Variants in OTUD3 observed in about 807,000 individuals in gnomAD.
The protein encoded by OTUD3 is OTU deubiquitinase 3, also known as OTU domain-containing protein 3.
A neutral mutation model predicts 46.2 loss-of-function variants in OTUD3; 24 were observed. That is an observed-to-expected ratio of 0.52 (90% CI 0.38 to 0.73). The LOEUF is 0.73. OTUD3 is among the 30% of genes least tolerant of loss of function. The pLI, the probability that OTUD3 is intolerant of heterozygous loss-of-function variation, is 0.00. For missense variants in OTUD3, 455 were observed against 523.3 expected, an observed-to-expected ratio of 0.87 and a Z score of 1.27; for synonymous variants, 189 against 195.4, an observed-to-expected ratio of 0.97 and a Z score of 0.27.
At chr1:19,891,430 G>A (rs567199856) in intron 2 of OTUD3, among the ~76,000 whole-genome samples, 1 of 152,184 alleles carries the variant, frequency 6.6e-6, no homozygotes, top group Non-Finnish European at 1.5e-5. Flanking sequence ...AAGTCTGGAG[G>A]CCATGCCAAG....
chr1:19,906,365 T>C, intron 6 of OTUD3, 67 bp from the exon 7 acceptor site: 3 of 1,445,756 alleles, frequency 2.1e-6, no homozygotes, highest in Non-Finnish European at 2.8e-6. Context: ...TTTGGAATCA[T>C]TAATACAGTC....
chr1:19,891,303 T>C (rs2045442681), intron 2 of OTUD3, among the ~76,000 whole-genome samples: 2 of 152,252 alleles, frequency 1.3e-5, no homozygotes, highest in African/African-American at 4.8e-5. Flanking sequence ...AAATATTTAC[T>C]GAGGATCTAC....
rs983363983 is a variant in OTUD3 at position 19,912,572 on chromosome 1, C to A, written c.*4826C>A. 1 of 152,540 alleles carries A rather than the reference C, an allele frequency of 6.6e-6. No individual in the cohort carries two copies. Among genetic ancestry groups the A allele is most frequent in the Non-Finnish European group, 1.5e-5 (1 of 68,100 alleles). The allele number at this position is 152,540 out of a possible 1,614,324, so 9.4% of individuals were successfully genotyped here. A position where few individuals can be genotyped will look rare whatever the true frequency, so the allele number is the denominator to read the frequency against. ...TGTATCCGTGGAGGAGGGGCCTTCT[C>A]TCTTTCTAATTGCACTATACTTGTT... On this transcript the variant is annotated 3_prime_UTR_variant, in exon 8 of 8. Transcript: ENST00000375120.
At position 19,908,007 on chromosome 1, in the gene OTUD3, ATAGT is replaced by A. The variant is rs1323879974; in HGVS notation, c.*265_*268del. On this transcript the variant is annotated 3_prime_UTR_variant, in exon 8 of 8. Coordinates refer to ENST00000375120, the MANE Select transcript of OTUD3 (RefSeq NM_015207.2). ...TTAAAATACTGAGTTTTAGGGGCAG[ATAGT>A]TAGGTCAGGAAAAACCTTTTAAGTG... The A allele has an allele frequency of 9.1e-6, 3 of 329,516 alleles. No individual in the cohort carries two copies. The highest frequency in any genetic ancestry group is 1.7e-5 in the Non-Finnish European group (3 of 180,990). 20.4% of individuals were successfully genotyped at this position (329,516 alleles called of 1,614,324 possible). A position where few individuals can be genotyped will look rare whatever the true frequency, so the allele number is the denominator to read the frequency against.
chr1:19,891,700 G>T (rs924906029), intron 2 of OTUD3, among the ~76,000 whole-genome samples: 4 of 151,854 alleles, frequency 2.6e-5, no homozygotes, highest in Middle Eastern at 3.2e-3. Context: ...GGCAGCAGGA[G>T]GGGGACATTT....
intron 3 of OTUD3, among the ~76,000 whole-genome samples, chr1:19,894,794 T>C (rs2045495730): frequency 6.6e-6 from 1 of 152,232 alleles, no homozygotes; most frequent in Admixed American, 6.5e-5. Context: ...GAGTGCTGCC[T>C]GTTGCTTTGT....
Position 19,912,435 on chromosome 1 carries a change from C to T in OTUD3, c.*4689C>T, listed in dbSNP as rs2045744842. On this transcript the variant is annotated 3_prime_UTR_variant, in exon 8 of 8. Coordinates refer to ENST00000375120, the MANE Select transcript of OTUD3 (RefSeq NM_015207.2). ...GCCTCTTCCAGAGCCTCCACCAGCA[C>T]TAAGCTCAGAGGAAAGAAGAAAAGG... The T allele has an allele frequency of 6.5e-6, 1 of 153,032 alleles. No individual in the cohort carries two copies. The highest frequency in any genetic ancestry group is 1.5e-5 in the Non-Finnish European group (1 of 68,150). The allele number at this position is 153,032 out of a possible 1,614,324, so 9.5% of individuals were successfully genotyped here. A position where few individuals can be genotyped will look rare whatever the true frequency, so the allele number is the denominator to read the frequency against.
chr1:19,884,993 C>T (rs1392481848), intron 1 of OTUD3, among the ~76,000 whole-genome samples: 1 of 152,148 alleles, frequency 6.6e-6, no homozygotes, highest in Non-Finnish European at 1.5e-5. Flanking sequence ...CTGCTAGATG[C>T]CTCTCAGAGG....
rs2045662436 is a variant in OTUD3 at position 19,906,482 on chromosome 1, C to T, written c.886C>T (p.Pro296Ser). 3.7e-6 allele frequency: 6 copies of T among 1,613,780 alleles called. No homozygotes were observed. The highest frequency in any genetic ancestry group is 5.1e-6 in the Non-Finnish European group (6 of 1,179,930). ...PSGRVLKQCG[P>S]LWEEGGSGAR... ...TGGTCGAGTGCTGAAGCAGTGTGGCCCTTTGTGGGAGGAGGGTGGCAGTGG... is the reference window on the plus strand; with the variant it reads ...TGGTCGAGTGCTGAAGCAGTGTGGCTCTTTGTGGGAGGAGGGTGGCAGTGG... The change falls in exon 7 of 8, where the codon CCT becomes TCT. Residue 296 changes from proline (P) to serine (S), a missense_variant. By Grantham distance (74) the Pro-to-Ser change is moderately conservative. Coordinates refer to ENST00000375120, the MANE Select transcript of OTUD3 (RefSeq NM_015207.2).
At chr1:19,889,110 A>G (rs2045411311) in intron 1 of OTUD3, among the ~76,000 whole-genome samples, 2 of 152,190 alleles carry the variant, frequency 1.3e-5, no homozygotes, top group African/African-American at 4.8e-5. Flanking sequence ...AAATTGTTTT[A>G]TCGATTAACT....
At position 19,904,348 on chromosome 1, in the gene OTUD3, G is replaced by A; in HGVS notation, c.688G>A (p.Asp230Asn). The A allele has an allele frequency of 1.2e-6, 2 of 1,613,168 alleles. No homozygotes were observed. The highest frequency in any genetic ancestry group is 8.5e-7 in the Non-Finnish European group (1 of 1,179,398). ...AATGGACTCTGAAGACGACCTGAGA[G>A]ATGAAGTAGAGGATGCTGTCCAGAA... is the stretch of plus-strand genomic sequence containing the variant. The part of the protein sequence containing the change: ...KGMDSEDDLR[D>N]EVEDAVQKVC... Residue 230 changes from aspartate to asparagine, a missense_variant, in exon 5 of 8, where the codon GAT (aspartate) becomes AAT (asparagine). By Grantham distance (23) the Asp-to-Asn change is conservative (BLOSUM62 1). Coordinates refer to ENST00000375120, the MANE Select transcript of OTUD3 (RefSeq NM_015207.2).
intron 4 of OTUD3, among the ~76,000 whole-genome samples, chr1:19,903,771 G>A (rs1423253258): frequency 1.3e-5 from 2 of 152,198 alleles, no homozygotes; most frequent in East Asian, 3.8e-4. Context: ...ATGCTCATCC[G>A]TGACTGTCCA....
Position 19,907,573 on chromosome 1 carries a change from A to G in OTUD3, c.1024A>G (p.Thr342Ala). 6 of 1,613,836 alleles carry G rather than the reference A, an allele frequency of 3.7e-6. No individual in the cohort carries two copies. Among genetic ancestry groups the G allele is most frequent in the Non-Finnish European group, 5.1e-6 (6 of 1,179,842 alleles). The change falls in exon 8 of 8, where the codon ACA (threonine) becomes GCA (alanine). Residue 342 changes from threonine to alanine, a missense_variant. By Grantham distance (58) the Thr-to-Ala change is moderately conservative (BLOSUM62 0). Transcript: ENST00000375120. ...KANKNQLAKV[T>A]NKQRREQQWM... ...CCACCATGGCCTTCTCTCTCAGGTC[A>G]CAAACAAACAGAGGCGAGAACAGCA...
intron 2 of OTUD3, among the ~76,000 whole-genome samples, chr1:19,893,344 A>G (rs1390008766): frequency 3.9e-5 from 6 of 152,148 alleles, no homozygotes; most frequent in Non-Finnish European, 7.4e-5. Context: ...ACGGTTTGTT[A>G]CGGGGAAAGG....
Position 19,907,897 on chromosome 1 carries a change from C to CTT in OTUD3, c.*152_*153insTT. On this transcript the variant is annotated 3_prime_UTR_variant, in exon 8 of 8. Coordinates refer to ENST00000375120, the MANE Select transcript of OTUD3 (RefSeq NM_015207.2). ...ACTGAGTTAGTTTCGTTCAAGCTGC[C>CTT]TCTTTTTTTGTTCGAAGTTTTATTA... The CTT allele has an allele frequency of 1.6e-6, 1 of 606,828 alleles. No homozygotes were observed. Among genetic ancestry groups the CTT allele is most frequent in the Admixed American group, 3.3e-5 (1 of 29,914 alleles). The allele number at this position is 606,828 out of a possible 1,614,324, so 37.6% of individuals were successfully genotyped here. A position where few individuals can be genotyped will look rare whatever the true frequency, so the allele number is the denominator to read the frequency against.
chr1:19,897,727 A>G lies in OTUD3; in HGVS notation c.606+65A>G, dbSNP rs985515397. The stretch of plus-strand genomic sequence containing the variant: ...ACAGGAAACAGATTGAGAGCTGTAT[A>G]TCTGGCGCTAAAAACCAGTAATGTT... On this transcript the variant is annotated intron_variant, in intron 4 of 7. Coordinates refer to ENST00000375120, the MANE Select transcript of OTUD3 (RefSeq NM_015207.2). 6.1e-6 allele frequency: 9 copies of G among 1,485,034 alleles called. No homozygotes were observed. In the African/African-American group the frequency reaches 8.6e-5, roughly 14 times the overall value. 92.0% of individuals were successfully genotyped at this position (1,485,034 alleles called of 1,614,324 possible).
At chr1:19,893,586 A>G (rs1008570391) in intron 2 of OTUD3, among the ~76,000 whole-genome samples, 5 of 152,176 alleles carry the variant, frequency 3.3e-5, no homozygotes, top group Non-Finnish European at 5.9e-5. Context: ...GGTTGAACTC[A>G]GTCTCCCCTC....
At chr1:19,906,663 C>T in intron 7 of OTUD3, 47 bp downstream of exon 7, 1 of 1,455,080 alleles carries the variant, frequency 6.9e-7, no homozygotes, top group Non-Finnish European at 9.4e-7. Context: ...AGGTGTAATT[C>T]TGTGGCAGTG....
At chr1:19,904,173 A>G in intron 4 of OTUD3, 94 bp from the exon 5 acceptor site, 1 of 957,684 alleles carries the variant, frequency 1.0e-6, no homozygotes, top group Non-Finnish European at 1.5e-6. Flanking sequence ...CCCTATATAT[A>G]TGAATTTTTC....
Sources: gnomAD v4.1 joint callset for allele counts (sites outside exome capture counted in the v4.1 genomes callset) on GRCh38, gnomAD v4.1.1 for gene constraint, MANE v1.5 for transcripts, NCBI Gene and HGNC (gene_info 2026-07-23, HGNC 2026-07-21) for gene names.